Variants in GPR176 observed in about 807,000 individuals in gnomAD.
The protein encoded by GPR176 is G protein-coupled receptor 176.
A neutral mutation model predicts 35.4 loss-of-function variants in GPR176; 26 were observed. The ratio of observed to expected loss-of-function variants is 0.74; its 90% CI spans 0.54 to 1.02. GPR176 has a LOEUF of 1.02. Ranked by LOEUF, GPR176 falls within the 50% of genes least tolerant of loss-of-function variation. The probability of loss-of-function intolerance (pLI) is 0.00; values close to 1 mark genes in which losing one functional copy is unlikely to be tolerated. For missense variants in GPR176, 597 were observed against 665.3 expected (o/e 0.90, Z 1.13); for synonymous variants, 278 against 271.3 (o/e 1.02, Z -0.24).
intron 1 of GPR176, among the ~76,000 whole-genome samples, chr15:39,876,723 C>T (rs2032261182): frequency 6.6e-6 from 1 of 151,766 alleles, no homozygotes; most frequent in African/African-American, 2.4e-5. Context: ...TAGTCCCAGC[C>T]ACTTGGGAGG....
Position 39,919,816 on chromosome 15 carries a change from G to C in GPR176, c.172+39C>G, listed in dbSNP as rs570476659. ...CCCGGCTCTCCGAGCCTGTACCCTCGGGGAGGCCCGGTCCGGAGGCGCCCC... is the reference window on the plus strand; with the variant it reads ...CCCGGCTCTCCGAGCCTGTACCCTCCGGGAGGCCCGGTCCGGAGGCGCCCC... On this transcript the variant is annotated intron_variant, in intron 1 of 2. Transcript: ENST00000561100. 10 of 1,361,220 alleles carry C rather than the reference G, an allele frequency of 7.3e-6. No individual in the cohort carries two copies. The East Asian group carries it at 2.7e-4, about 37-fold the overall frequency. 84.3% of individuals were successfully genotyped at this position (1,361,220 alleles called of 1,614,324 possible).
At chr15:39,823,202 C>G (rs1900392965) in intron 1 of GPR176, among the ~76,000 whole-genome samples, 1 of 152,156 alleles carries the variant, frequency 6.6e-6, no homozygotes, top group Non-Finnish European at 1.5e-5. Flanking sequence ...TATTGTTCCA[C>G]TTTACCTCTT....
In GPR176 at chr15:39,800,623, C is replaced by T. The variant is rs1343949542; in HGVS notation, c.*509G>A. ...CATATGACTGGGGCTTCCAGAGAAA[C>T]AGTGTAAGACACCAAATCCCTACCT... is the stretch of plus-strand genomic sequence containing the variant. On this transcript the variant is annotated 3_prime_UTR_variant, in exon 3 of 3. Coordinates refer to ENST00000561100, the MANE Select transcript of GPR176 (RefSeq NM_007223.3). The T allele has an allele frequency of 6.4e-6, 1 of 156,226 alleles. No homozygotes were observed. The highest frequency in any genetic ancestry group is 1.4e-5 in the Non-Finnish European group (1 of 70,408). 9.7% of individuals were successfully genotyped at this position (156,226 alleles called of 1,614,324 possible). A position where few individuals can be genotyped will look rare whatever the true frequency, so the allele number is the denominator to read the frequency against.
intron 1 of GPR176, among the ~76,000 whole-genome samples, chr15:39,887,698 C>T (rs2032723207): frequency 6.6e-6 from 1 of 152,068 alleles, no homozygotes; most frequent in African/African-American, 2.4e-5. Context: ...AAATCTCACC[C>T]GCTCAAATCA....
At chr15:39,872,284 A>G (rs936427162) in intron 1 of GPR176, among the ~76,000 whole-genome samples, 2 of 152,244 alleles carry the variant, frequency 1.3e-5, no homozygotes, top group Non-Finnish European at 2.9e-5. Flanking sequence ...TGGGATGTTC[A>G]TTCCAAACTG....
rs565466696 is a variant in GPR176, at chr15:39,872,444, G to A, written c.172+47411C>T. ...CAATAGGACATCCCTTGCAGGATGAGACCCAATTGTTAAGAGATCAAAATA... is the reference window on the plus strand; with the variant it reads ...CAATAGGACATCCCTTGCAGGATGAAACCCAATTGTTAAGAGATCAAAATA... On this transcript the variant is annotated intron_variant, in intron 1 of 2. Coordinates refer to ENST00000561100, the MANE Select transcript of GPR176 (RefSeq NM_007223.3). 3.9e-5 allele frequency among the ~76,000 whole-genome samples: 6 copies of A among 152,308 alleles called. No homozygotes were observed. In the South Asian group the frequency reaches 1.2e-3, roughly 32 times the overall value.
Position 39,799,967 on chromosome 15 carries a change from C to T in GPR176, c.*1165G>A, listed in dbSNP as rs1007915096. ...TATTTCTCCCTGTTCTGTTCCTCCT[C>T]TGTGTCCAAAATTAAGAGAGAACCG... On this transcript the variant is annotated 3_prime_UTR_variant, in exon 3 of 3. Transcript: ENST00000561100. 6 of 152,234 alleles carry T rather than the reference C, an allele frequency of 3.9e-5. No homozygotes were observed. The highest frequency in any genetic ancestry group is 1.4e-4 in the African/African-American group (6 of 41,456). 9.4% of individuals were successfully genotyped at this position (152,234 alleles called of 1,614,324 possible). A position where few individuals can be genotyped will look rare whatever the true frequency, so the allele number is the denominator to read the frequency against.
intron 1 of GPR176, among the ~76,000 whole-genome samples, chr15:39,914,373 G>A (rs937932921): frequency 1.4e-5 from 2 of 144,072 alleles, no homozygotes; most frequent in Non-Finnish European, 3.0e-5. Context: ...GAGTACAGTG[G>A]CACGATCTCT....
At chr15:39,908,803 T>A (rs1185429387) in intron 1 of GPR176, among the ~76,000 whole-genome samples, 1 of 152,158 alleles carries the variant, frequency 6.6e-6, no homozygotes, top group African/African-American at 2.4e-5. Flanking sequence ...CATCTCTATA[T>A]CAAGGACGTT....
At chr15:39,872,740 G>A (rs988947425) in intron 1 of GPR176, among the ~76,000 whole-genome samples, 2 of 152,030 alleles carry the variant, frequency 1.3e-5, no homozygotes, top group Non-Finnish European at 2.9e-5. Flanking sequence ...GGTGCCACAC[G>A]TACCTTTAAA....
chr15:39,841,294 C>T (rs766668049), intron 1 of GPR176, among the ~76,000 whole-genome samples: 8 of 152,090 alleles, frequency 5.3e-5, no homozygotes, highest in Non-Finnish European at 8.8e-5. Context: ...ATTTCACATA[C>T]ACTTCTGTTA....
At chr15:39,849,367 A>G (rs531427225) in intron 1 of GPR176, among the ~76,000 whole-genome samples, 9 of 152,290 alleles carry the variant, frequency 5.9e-5, no homozygotes, top group African/African-American at 2.2e-4. Flanking sequence ...ACGTTTCAAG[A>G]AGAATTAACA....
chr15:39,870,040 A>G (rs1212271433), intron 1 of GPR176, among the ~76,000 whole-genome samples: 1 of 152,222 alleles, frequency 6.6e-6, no homozygotes, highest in Non-Finnish European at 1.5e-5. Context: ...GCGTCAGCAG[A>G]GCCAGTTCCT....
intron 1 of GPR176, among the ~76,000 whole-genome samples, chr15:39,827,997 T>C (rs1202255869): frequency 6.6e-6 from 1 of 152,212 alleles, no homozygotes; most frequent in Non-Finnish European, 1.5e-5. Context: ...ACATGGATTA[T>C]CTCAACTGAA....
chr15:39,811,870 T>G (rs917470860), intron 1 of GPR176, among the ~76,000 whole-genome samples: 4 of 150,992 alleles, frequency 2.6e-5, no homozygotes, highest in South Asian at 2.1e-4. Flanking sequence ...GAGCCGAGAT[T>G]GCGCCATTGC....
intron 1 of GPR176, among the ~76,000 whole-genome samples, chr15:39,846,451 G>A (rs935674711): frequency 6.6e-6 from 1 of 152,200 alleles, no homozygotes. Flanking sequence ...ACAGAGGCCA[G>A]ATGGGGAACC....
intron 1 of GPR176, among the ~76,000 whole-genome samples, chr15:39,858,526 G>A (rs2031391736): frequency 6.6e-6 from 1 of 152,066 alleles, no homozygotes; most frequent in African/African-American, 2.4e-5. Context: ...GACCAGCCTG[G>A]GCAACATGAT....
chr15:39,814,257 T>C lies in GPR176; in HGVS notation c.173-6999A>G, dbSNP rs549921849. ...TAGACTTATGTCAGACCTCATTCTA[T>C]TGATTATATCTCTTAACCACTCATT... On this transcript the variant is annotated intron_variant, in intron 1 of 2. Coordinates refer to ENST00000561100, the MANE Select transcript of GPR176 (RefSeq NM_007223.3). 2.6e-3 allele frequency among the ~76,000 whole-genome samples: 400 copies of C among 152,356 alleles called. 1 individual carries two copies. Among genetic ancestry groups the C allele is most frequent in the African/African-American group, 9.4e-3 (389 of 41,578 alleles).
At chr15:39,912,491 C>G (rs1458256901) in intron 1 of GPR176, among the ~76,000 whole-genome samples, 1 of 151,592 alleles carries the variant, frequency 6.6e-6, no homozygotes, top group Non-Finnish European at 1.5e-5. Flanking sequence ...TGGTGGCATG[C>G]GCCTGTAGTC....
Sources: gnomAD v4.1 joint callset for allele counts (sites outside exome capture counted in the v4.1 genomes callset) on GRCh38, gnomAD v4.1.1 for gene constraint, MANE v1.5 for transcripts, NCBI Gene and HGNC (gene_info 2026-07-23, HGNC 2026-07-21) for gene names.